GNAZ: variants seen among roughly 807,000 people sequenced by gnomAD.
GNAZ encodes the protein guanine nucleotide-binding protein G(z) subunit alpha.
GNAZ carries 3 observed loss-of-function variants against 25.4 expected under a neutral mutation model. The observed-to-expected ratio is 0.12, with a 90% CI of 0.05 to 0.30. GNAZ has a LOEUF of 0.30. Among genes scored for constraint, GNAZ ranks in the 10% least tolerant of loss-of-function variants. The pLI, the probability that GNAZ is intolerant of heterozygous loss-of-function variation, is 1.00. For missense variants in GNAZ, 241 were observed against 501.8 expected, an observed-to-expected ratio of 0.48 and a Z score of 4.97; for synonymous variants, 211 against 205.7, an observed-to-expected ratio of 1.03 and a Z score of -0.22.
intron 1 of GNAZ, among the ~76,000 whole-genome samples, chr22:23,081,290 A>G (rs976027734): frequency 8.5e-5 from 13 of 152,252 alleles, no homozygotes; most frequent in Admixed American, 1.3e-4. Context: ...AAGAAGTGGC[A>G]TAACCCCAGA....
chr22:23,089,116 G>A (rs2068891958), intron 1 of GNAZ, among the ~76,000 whole-genome samples: 1 of 152,184 alleles, frequency 6.6e-6, no homozygotes, highest in Admixed American at 6.5e-5. Flanking sequence ...GGTAGCTAGG[G>A]ACCTGGAGAG....
intron 2 of GNAZ, among the ~76,000 whole-genome samples, chr22:23,122,134 C>T (rs2070048309): frequency 6.6e-6 from 1 of 152,160 alleles, no homozygotes; most frequent in Non-Finnish European, 1.5e-5. Flanking sequence ...TAGCTTTTGC[C>T]AGCAGCAAAT....
chr22:23,078,083 A>G (rs2068555302), intron 1 of GNAZ, among the ~76,000 whole-genome samples: 1 of 152,196 alleles, frequency 6.6e-6, no homozygotes, highest in Non-Finnish European at 1.5e-5. Context: ...TAGAGTGGCT[A>G]CCAGGACCCC....
At chr22:23,120,506 G>A (rs1189680940) in intron 2 of GNAZ, among the ~76,000 whole-genome samples, 1 of 152,160 alleles carries the variant, frequency 6.6e-6, no homozygotes, top group South Asian at 2.1e-4. Context: ...CATCAGTGAG[G>A]TGGCCCTCCT....
intron 1 of GNAZ, among the ~76,000 whole-genome samples, chr22:23,079,356 G>A (rs1214564417): frequency 2.0e-5 from 3 of 152,210 alleles, no homozygotes; most frequent in African/African-American, 7.2e-5. Flanking sequence ...TTGGCTTTCT[G>A]GACAAAGAGT....
At chr22:23,079,330 C>T (rs142722447) in intron 1 of GNAZ, among the ~76,000 whole-genome samples, 3 of 152,272 alleles carry the variant, frequency 2.0e-5, no homozygotes, top group South Asian at 2.1e-4. Context: ...GGAGAGGGCG[C>T]GGAAGCGAAG....
At chr22:23,082,919 A>G (rs1363579555) in intron 1 of GNAZ, among the ~76,000 whole-genome samples, 1 of 152,120 alleles carries the variant, frequency 6.6e-6, no homozygotes, top group Non-Finnish European at 1.5e-5. Flanking sequence ...TTGCCCCCAG[A>G]AACTCCCATT....
intron 1 of GNAZ, among the ~76,000 whole-genome samples, chr22:23,083,299 A>T (rs1360385334): frequency 6.6e-6 from 1 of 151,962 alleles, no homozygotes; most frequent in South Asian, 2.1e-4. Context: ...AATCCAGTAG[A>T]GCTGGCCCAC....
At chr22:23,092,405 A>G (rs1460156068) in intron 1 of GNAZ, among the ~76,000 whole-genome samples, 1 of 151,862 alleles carries the variant, frequency 6.6e-6, no homozygotes, top group Admixed American at 6.6e-5. Context: ...CAAACACAAC[A>G]CAGCCCCACA....
chr22:23,110,159 G>C (rs985625359), intron 2 of GNAZ, among the ~76,000 whole-genome samples: 9 of 152,204 alleles, frequency 5.9e-5, no homozygotes, highest in African/African-American at 2.2e-4. Context: ...CGGGCTGTCT[G>C]GTGCTTTCCT....
At position 23,109,754 on chromosome 22, in the gene GNAZ, A is replaced by G. The variant is rs964016336; in HGVS notation, c.724-13333A>G. 2.6e-5 allele frequency among the ~76,000 whole-genome samples: 4 copies of G among 152,222 alleles called. No individual in the cohort carries two copies. In the East Asian group the frequency reaches 5.8e-4, roughly 22 times the overall value. ...GTTAAAGGCCAGGCTAGAGGAATGG[A>G]AACAGCTGCCCCAGCCCTGGAAGCT... is the stretch of plus-strand genomic sequence containing the variant. On this transcript the variant is annotated intron_variant, in intron 2 of 2. Transcript: ENST00000615612.
chr22:23,117,255 A>G (rs2069870829), intron 2 of GNAZ, among the ~76,000 whole-genome samples: 4 of 151,982 alleles, frequency 2.6e-5, no homozygotes, highest in African/African-American at 9.7e-5. Flanking sequence ...AGAGGGGCTG[A>G]GCCAGAGGTG....
chr22:23,098,693 A>G (rs957650804), intron 2 of GNAZ, among the ~76,000 whole-genome samples: 7 of 152,262 alleles, frequency 4.6e-5, no homozygotes, highest in African/African-American at 1.7e-4. Context: ...TGGATTCCAA[A>G]TGATTCTGAC....
intron 2 of GNAZ, among the ~76,000 whole-genome samples, chr22:23,104,785 A>C (rs1472508594): frequency 6.6e-6 from 1 of 152,204 alleles, no homozygotes; most frequent in East Asian, 1.9e-4. Flanking sequence ...AGGATGCAGC[A>C]GCAAGGCTCT....
At chr22:23,074,294 G>A (rs188692061) in intron 1 of GNAZ, among the ~76,000 whole-genome samples, 52 of 152,356 alleles carry the variant, frequency 3.4e-4, no homozygotes, top group African/African-American at 1.1e-3. Context: ...CCCAGGCAGA[G>A]AGGCTGCTGA....
chr22:23,102,108 A>G (rs1323072351), intron 2 of GNAZ, among the ~76,000 whole-genome samples: 1 of 152,208 alleles, frequency 6.6e-6, no homozygotes, highest in Admixed American at 6.5e-5. Flanking sequence ...TCCCTTCAGC[A>G]CCGGCTCCCC....
intron 2 of GNAZ, among the ~76,000 whole-genome samples, chr22:23,112,419 G>A (rs770593784): frequency 6.6e-6 from 1 of 152,210 alleles, no homozygotes; most frequent in Non-Finnish European, 1.5e-5. Flanking sequence ...CCTTCCACCA[G>A]GTACATGGTT....
intron 2 of GNAZ, among the ~76,000 whole-genome samples, chr22:23,112,865 C>T (rs909781833): frequency 1.3e-5 from 2 of 152,168 alleles, no homozygotes; most frequent in African/African-American, 2.4e-5. Flanking sequence ...AAGGCAGGGG[C>T]CTGGTCTGGG....
intron 2 of GNAZ, among the ~76,000 whole-genome samples, chr22:23,103,409 C>T (rs998208849): frequency 2.0e-5 from 3 of 152,140 alleles, no homozygotes; most frequent in Admixed American, 6.5e-5. Flanking sequence ...AGGATTGATC[C>T]GCTACTGCCA....
Sources: allele counts gnomAD v4.1 joint callset (sites outside exome capture counted in the v4.1 genomes callset), GRCh38; gene constraint gnomAD v4.1.1; transcripts MANE v1.5; gene names NCBI Gene and HGNC (gene_info 2026-07-23, HGNC 2026-07-21).